The following RWDD3 variants were observed in gnomAD, a reference collection of about 807,000 sequenced individuals.
The protein encoded by RWDD3 is RWD domain-containing protein 3.
In RWDD3, 30 loss-of-function variants were observed where a neutral mutation model predicts 26.5. The ratio of observed to expected loss-of-function variants is 1.13; its 90% CI spans 0.85 to 1.54. The LOEUF (loss-of-function observed/expected upper bound fraction) is 1.54. RWDD3 is among the 40% of genes most tolerant of loss of function. The pLI is 0.00. For synonymous variants in RWDD3, 113 were observed against 114.5 expected (o/e 0.99, Z 0.09); for missense variants, 296 against 309.1 (o/e 0.96, Z 0.32).
At chr1:95,242,863 G>A (rs1680690235) in intron 1 of RWDD3, among the ~76,000 whole-genome samples, 1 of 151,940 alleles carries the variant, frequency 6.6e-6, no homozygotes, top group African/African-American at 2.4e-5. Flanking sequence ...AGGTTGCAGT[G>A]AGCCGAGATC....
chr1:95,242,644 T>C (rs1266513862), intron 1 of RWDD3, among the ~76,000 whole-genome samples: 1 of 152,094 alleles, frequency 6.6e-6, no homozygotes, highest in Non-Finnish European at 1.5e-5. Context: ...TTAGGCCGGG[T>C]GCGGTGGCTC....
rs1680774889 is a variant in RWDD3 at position 95,244,638 on chromosome 1, A to C, written c.513A>C (p.Arg171Ser). 1.5e-5 allele frequency: 25 copies of C among 1,614,082 alleles called. No homozygotes were observed. In the East Asian group the frequency reaches 5.3e-4, roughly 35 times the overall value. ...KWASDLRLTG[R>S]LMFMGKIILI... ...CTTCAGATTTAAGGCTGACAGGAAG[A>C]CTGATGTTCATGGGTAAAATAATAC... The change falls in exon 2 of 4, where the codon AGA becomes AGC. Residue 171 changes from arginine to serine, a missense_variant. Coordinates refer to ENST00000370202, the MANE Select transcript of RWDD3 (RefSeq NM_015485.5).
rs755496684 is a variant in RWDD3 at position 95,234,249 on chromosome 1, G to T, written c.19G>T (p.Glu7Ter). The change falls in exon 1 of 4, where the codon GAG becomes TAG. Residue 7 changes from glutamate (E) to a stop codon, truncating the protein, a stop_gained. Coordinates refer to ENST00000370202, the MANE Select transcript of RWDD3 (RefSeq NM_015485.5). LOFTEE classifies it high-confidence loss of function. ...CACAGCCATGGCGGAGCCTGTGCAG[G>T]AGGAGCTCTCGGTCCTGGCCGCGAT... Reference protein sequence around the residue: MAEPVQEELSVLAAIFC... With the variant: MAEPVQ 5 of 1,594,872 alleles carry T rather than the reference G, an allele frequency of 3.1e-6. No homozygotes were observed. The African/African-American group carries it at 5.3e-5, about 17-fold the overall frequency.
Position 95,244,709 on chromosome 1 carries a change from G to T in RWDD3, c.573+11G>T. 1 of 1,608,596 alleles carries T rather than the reference G, an allele frequency of 6.2e-7. No homozygotes were observed. Among genetic ancestry groups the T allele is most frequent in the Non-Finnish European group, 8.5e-7 (1 of 1,177,710 alleles). Reference sequence around the variant, plus strand: ...AGAAACAACCTCAAGGTGCCAAAAAGTTAAATGTTGAGTATGAATCTGGCT... The same window carrying T: ...AGAAACAACCTCAAGGTGCCAAAAATTTAAATGTTGAGTATGAATCTGGCT... On this transcript the variant is annotated intron_variant, in intron 2 of 3. Coordinates refer to ENST00000370202, the MANE Select transcript of RWDD3 (RefSeq NM_015485.5).
At chr1:95,236,858 C>T (rs182886109) in intron 1 of RWDD3, among the ~76,000 whole-genome samples, 158 of 152,270 alleles carry the variant, frequency 1.0e-3, no homozygotes, top group African/African-American at 3.6e-3. Context: ...TAGTACACAG[C>T]TGAGCATAAA....
chr1:95,244,438 C>T lies in RWDD3; in HGVS notation c.313C>T (p.Leu105Phe). ...LSEPMVHELV[L>F]WIQQNLRHIL... ...GGAGCCTATGGTTCATGAGCTGGTT[C>T]TCTGGATTCAGCAGAATCTCAGGCA... The change falls in exon 2 of 4, where the codon CTC (leucine) becomes TTC (phenylalanine). Residue 105 changes from leucine (L) to phenylalanine (F), a missense_variant. Transcript: ENST00000370202. The T allele has an allele frequency of 6.2e-7, 1 of 1,614,188 alleles. No individual in the cohort carries two copies. Among genetic ancestry groups the T allele is most frequent in the South Asian group, 1.1e-5 (1 of 91,084 alleles).
At chr1:95,245,013 ATG>A (rs1465097544) in intron 2 of RWDD3, 1 of 262,266 alleles carries the variant, frequency 3.8e-6, no homozygotes, top group Non-Finnish European at 7.2e-6. Context: ...AATTTTATAA[ATG>A]TGCACTAAAA....
intron 2 of RWDD3, among the ~76,000 whole-genome samples, chr1:95,245,208 A>C (rs944242407): frequency 3.9e-5 from 6 of 152,212 alleles, no homozygotes; most frequent in African/African-American, 1.4e-4. Flanking sequence ...TAGTAGAAGT[A>C]GAATCATTAG....
In RWDD3 at chr1:95,244,338, C is replaced by T. The variant is rs528404750; in HGVS notation, c.213C>T (p.Asn71=). The change falls in exon 2 of 4, where the codon AAC becomes AAT. Residue 71 remains asparagine, a synonymous_variant. Coordinates refer to ENST00000370202, the MANE Select transcript of RWDD3 (RefSeq NM_015485.5). ...CATGTCTACCTGGTATCTCGATTAA[C>T]TCTGAACAGTTGACCAGGGCCCAGT... is the stretch of plus-strand genomic sequence containing the variant. ...YPSCLPGISI[N]SEQLTRAQCV... 6.2e-7 allele frequency: 1 copy of T among 1,614,168 alleles called. No individual in the cohort carries two copies. Among genetic ancestry groups the T allele is most frequent in the Non-Finnish European group, 8.5e-7 (1 of 1,180,044 alleles).
At chr1:95,240,010 G>A in intron 1 of RWDD3, 1 of 1,075,954 alleles carries the variant, frequency 9.3e-7, no homozygotes, top group Non-Finnish European at 1.2e-6. Flanking sequence ...TTGCTTCAGT[G>A]CGGATACATT....
chr1:95,234,736 T>C (rs1680224871), intron 1 of RWDD3, among the ~76,000 whole-genome samples: 1 of 150,346 alleles, frequency 6.7e-6, no homozygotes, highest in Non-Finnish European at 1.5e-5. Flanking sequence ...TCTACACGGG[T>C]ATTTGTAGGT....
chr1:95,240,753 C>A (rs1680583171), intron 1 of RWDD3, among the ~76,000 whole-genome samples: 1 of 151,488 alleles, frequency 6.6e-6, no homozygotes, highest in Non-Finnish European at 1.5e-5. Flanking sequence ...ATTGCAGAAG[C>A]CAGAGAAAGG....
intron 1 of RWDD3, among the ~76,000 whole-genome samples, chr1:95,242,239 T>C (rs1183920448): frequency 1.3e-5 from 2 of 152,236 alleles, no homozygotes; most frequent in African/African-American, 4.8e-5. Flanking sequence ...TATTTATGAA[T>C]AAAGAAATGT....
rs1680461657 is a variant in RWDD3 at position 95,238,464 on chromosome 1, C to T, written c.85+4149C>T. Among the ~76,000 whole-genome samples, 5 of 150,508 alleles carry T rather than the reference C, an allele frequency of 3.3e-5. No individual in the cohort carries two copies. In the South Asian group the frequency reaches 1.1e-3, roughly 32 times the overall value. On this transcript the variant is annotated intron_variant, in intron 1 of 3. Transcript: ENST00000370202. ...CTACATTGAAACTTATGTAAAAATC[C>T]AACTGAAGCATAAAACAAGCACTGG...
chr1:95,239,185 A>G (rs541736520), intron 1 of RWDD3, among the ~76,000 whole-genome samples: 1 of 152,298 alleles, frequency 6.6e-6, no homozygotes, highest in Admixed American at 6.5e-5. Context: ...TTATTAACTA[A>G]GGTTCTGGGG....
rs1301979288 is a variant in RWDD3, at chr1:95,246,850, G to A, written c.784G>A (p.Val262Ile). Residue 262 changes from valine (V) to isoleucine (I), a missense_variant, in exon 4 of 4, where the codon GTA becomes ATA. Coordinates refer to ENST00000370202, the MANE Select transcript of RWDD3 (RefSeq NM_015485.5). ...AGLKKLFSEFVLALVK is the reference protein window; with the variant it reads ...AGLKKLFSEFILALVK The stretch of plus-strand genomic sequence containing the variant: ...ACTTAAGAAGCTTTTCTCCGAATTT[G>A]TACTTGCTCTGGTAAAATGAAATGG... 1 of 1,540,568 alleles carries A rather than the reference G, an allele frequency of 6.5e-7. No individual in the cohort carries two copies. Among genetic ancestry groups the A allele is most frequent in the Non-Finnish European group, 8.7e-7 (1 of 1,147,440 alleles).
At chr1:95,242,447 G>A (rs144602672) in intron 1 of RWDD3, among the ~76,000 whole-genome samples, 30 of 152,268 alleles carry the variant, frequency 2.0e-4, no homozygotes, top group African/African-American at 6.0e-4. Flanking sequence ...ATCTTTAAAA[G>A]TTCTCCTCCT....
In RWDD3 at chr1:95,247,061, T is replaced by A; in HGVS notation, c.*191T>A. The A allele has an allele frequency of 2.7e-6, 1 of 373,244 alleles. No individual in the cohort carries two copies. Among genetic ancestry groups the A allele is most frequent in the Non-Finnish European group, 4.8e-6 (1 of 209,268 alleles). 23.1% of individuals were successfully genotyped at this position (373,244 alleles called of 1,614,324 possible). A position where few individuals can be genotyped will look rare whatever the true frequency, so the allele number is the denominator to read the frequency against. On this transcript the variant is annotated 3_prime_UTR_variant, in exon 4 of 4. Transcript: ENST00000370202. Reference sequence around the variant, plus strand: ...ATTAAACATGAAGAAAACTTGTATATTCTAATGTTTGCCAGGAAAGGCTAG... The same window carrying A: ...ATTAAACATGAAGAAAACTTGTATAATCTAATGTTTGCCAGGAAAGGCTAG...
At chr1:95,243,737 A>G (rs1680729875) in intron 1 of RWDD3, among the ~76,000 whole-genome samples, 2 of 152,120 alleles carry the variant, frequency 1.3e-5, no homozygotes, top group African/African-American at 4.8e-5. Context: ...CAACCCTACA[A>G]CCACAGGGGA....
Sources: allele counts gnomAD v4.1 joint callset (sites outside exome capture counted in the v4.1 genomes callset), GRCh38; gene constraint gnomAD v4.1.1; transcripts MANE v1.5; gene names NCBI Gene and HGNC (gene_info 2026-07-23, HGNC 2026-07-21).